The following ITPR1 variants were observed in gnomAD, a reference collection of about 807,000 sequenced individuals.
ITPR1 encodes the protein inositol 1,4,5-trisphosphate receptor type 1.
Under a neutral mutation model 318.4 loss-of-function variants are expected in ITPR1, and 96 were observed. The ratio of observed to expected loss-of-function variants is 0.30; its 90% CI spans 0.26 to 0.36. The LOEUF is 0.36. ITPR1 is among the 10% of genes least tolerant of loss of function. The pLI is 1.00. For missense variants in ITPR1, 2,440 were observed against 3,460.2 expected, an observed-to-expected ratio of 0.71 and a Z score of 7.40; for synonymous variants, 1,312 against 1,289.9, an observed-to-expected ratio of 1.02 and a Z score of -0.37.
At chr3:4,763,676 G>C (rs2045611635) in intron 44 of ITPR1, among the ~76,000 whole-genome samples, 1 of 152,226 alleles carries the variant, frequency 6.6e-6, no homozygotes, top group Non-Finnish European at 1.5e-5. Flanking sequence ...ACTGAGGACT[G>C]GAATCAGTAA....
At chr3:4,810,657 G>T (rs143553596) in intron 55 of ITPR1, among the ~76,000 whole-genome samples, 1 of 152,190 alleles carries the variant, frequency 6.6e-6, no homozygotes, top group Non-Finnish European at 1.5e-5. Flanking sequence ...AGCACTGTGC[G>T]TACGTGGTTT....
chr3:4,811,185 T>G (rs1414705682), intron 55 of ITPR1, 80 bp from the exon 56 acceptor site: 4 of 1,042,640 alleles, frequency 3.8e-6, no homozygotes, highest in Non-Finnish European at 5.4e-6. Flanking sequence ...AAACTCTCTA[T>G]AAACCAAGTT....
intron 5 of ITPR1, 65 bp downstream of exon 5, chr3:4,627,943 G>A: frequency 1.0e-6 from 1 of 953,498 alleles, no homozygotes; most frequent in Non-Finnish European, 1.6e-6. Context: ...GTATCTGGGT[G>A]TAATGGTGGG....
At chr3:4,502,242 G>A (rs1295858344) in intron 2 of ITPR1, among the ~76,000 whole-genome samples, 3 of 152,002 alleles carry the variant, frequency 2.0e-5, no homozygotes, top group Non-Finnish European at 2.9e-5. Flanking sequence ...TTCCTCCTCC[G>A]GGAAGTTTTT....
chr3:4,502,595 C>T (rs963395419), intron 2 of ITPR1, among the ~76,000 whole-genome samples: 3 of 151,974 alleles, frequency 2.0e-5, no homozygotes, highest in African/African-American at 7.2e-5. Flanking sequence ...CATGTGCCAC[C>T]ATGCCTAGCT....
intron 40 of ITPR1, among the ~76,000 whole-genome samples, chr3:4,720,844 G>A (rs1311689003): frequency 2.0e-5 from 3 of 152,128 alleles, no homozygotes; most frequent in Non-Finnish European, 4.4e-5. Context: ...CACCTTCAGG[G>A]GGCGTTCTCA....
chr3:4,514,620 C>T (rs1275787846), intron 2 of ITPR1, among the ~76,000 whole-genome samples: 1 of 152,148 alleles, frequency 6.6e-6, no homozygotes, highest in East Asian at 1.9e-4. Flanking sequence ...AGGCCCTAGT[C>T]CTCTTGCGGA....
At chr3:4,512,417 T>C (rs564404421) in intron 2 of ITPR1, among the ~76,000 whole-genome samples, 1 of 152,340 alleles carries the variant, frequency 6.6e-6, no homozygotes, top group African/African-American at 2.4e-5. Context: ...TTTTATTCCA[T>C]GATTCTGTGT....
At chr3:4,551,906 T>C (rs2085606089) in intron 4 of ITPR1, among the ~76,000 whole-genome samples, 1 of 152,246 alleles carries the variant, frequency 6.6e-6, no homozygotes, top group Non-Finnish European at 1.5e-5. Context: ...TAACTTTTAA[T>C]AGAAAAGATA....
intron 4 of ITPR1, among the ~76,000 whole-genome samples, chr3:4,621,665 C>T (rs1448179257): frequency 6.6e-6 from 1 of 152,246 alleles, no homozygotes; most frequent in Admixed American, 6.5e-5. Context: ...CTGCACTGCC[C>T]TGCACAGTGC....
At chr3:4,645,921 T>C in intron 10 of ITPR1, 193 bp downstream of exon 10, 1 of 549,234 alleles carries the variant, frequency 1.8e-6, no homozygotes, top group African/African-American at 1.9e-5. Context: ...CAAGTACTTA[T>C]ACCCACCTTA....
At chr3:4,558,522 G>A (rs910257350) in intron 4 of ITPR1, among the ~76,000 whole-genome samples, 1 of 152,142 alleles carries the variant, frequency 6.6e-6, no homozygotes, top group Admixed American at 6.6e-5. Context: ...AGTGAAGAGG[G>A]CTCTAATGAT....
At chr3:4,829,012 T>C (rs2050260461) in intron 60 of ITPR1, among the ~76,000 whole-genome samples, 1 of 152,240 alleles carries the variant, frequency 6.6e-6, no homozygotes, top group Non-Finnish European at 1.5e-5. Flanking sequence ...ATACGTGGAT[T>C]GCAGTGCTGA....
intron 4 of ITPR1, among the ~76,000 whole-genome samples, chr3:4,574,376 C>T (rs1252714062): frequency 6.6e-6 from 1 of 152,118 alleles, no homozygotes; most frequent in Non-Finnish European, 1.5e-5. Context: ...CAATGAATGC[C>T]GGAAATGGAT....
At chr3:4,798,688 C>T (rs2048039789) in intron 53 of ITPR1, among the ~76,000 whole-genome samples, 1 of 152,172 alleles carries the variant, frequency 6.6e-6, no homozygotes, top group Non-Finnish European at 1.5e-5. Flanking sequence ...AAACTGGAAA[C>T]TCATTGATTG....
At chr3:4,756,611 TGAG>T (rs1364889374) in intron 44 of ITPR1, among the ~76,000 whole-genome samples, 1 of 152,190 alleles carries the variant, frequency 6.6e-6, no homozygotes, top group Non-Finnish European at 1.5e-5. Flanking sequence ...ATTCGTTTGC[TGAG>T]GATAATAGCC....
At chr3:4,552,386 C>G (rs1485911687) in intron 4 of ITPR1, among the ~76,000 whole-genome samples, 3 of 152,202 alleles carry the variant, frequency 2.0e-5, no homozygotes, top group Non-Finnish European at 4.4e-5. Context: ...CTATGACCAC[C>G]TCTTTGGGTT....
intron 26 of ITPR1, among the ~76,000 whole-genome samples, chr3:4,682,201 G>A (rs1156326423): frequency 1.3e-5 from 2 of 152,180 alleles, no homozygotes; most frequent in Non-Finnish European, 2.9e-5. Context: ...GGTGGTAACT[G>A]GGGCTGGCAC....
chr3:4,585,863 G>A (rs1212638496), intron 4 of ITPR1, among the ~76,000 whole-genome samples: 1 of 152,052 alleles, frequency 6.6e-6, no homozygotes, highest in Non-Finnish European at 1.5e-5. Flanking sequence ...GTGGCTTGCT[G>A]CACCCATCAA....
Sources: gnomAD v4.1 joint callset for allele counts (sites outside exome capture counted in the v4.1 genomes callset) on GRCh38, gnomAD v4.1.1 for gene constraint, MANE v1.5 for transcripts, NCBI Gene and HGNC (gene_info 2026-07-23, HGNC 2026-07-21) for gene names.